Variants in DCHS1 observed in about 807,000 individuals in gnomAD.
The protein encoded by DCHS1 is protocadherin-16.
Under a neutral mutation model 213.9 loss-of-function variants are expected in DCHS1, and 78 were observed. The observed-to-expected ratio is 0.36, with a 90% CI of 0.30 to 0.44. DCHS1 has a LOEUF of 0.44. DCHS1 is among the 20% of genes least tolerant of loss of function. The pLI, the probability that DCHS1 is intolerant of heterozygous loss-of-function variation, is 1.00. For synonymous variants in DCHS1, 1,828 were observed against 1,873.7 expected (o/e 0.98, Z 0.63); for missense variants, 3,946 against 4,395.9 (o/e 0.90, Z 2.89).
chr11:6,640,254 C>T lies in DCHS1; in HGVS notation c.1360G>A (p.Ala454Thr), dbSNP rs1399025768. ...ACGTGCAGCACAAAGGCAGCCTCAGCCCGCAGTGGAGGTGAGCCTGAGTCT... is the reference window on the plus strand; with the variant it reads ...ACGTGCAGCACAAAGGCAGCCTCAGTCCGCAGTGGAGGTGAGCCTGAGTCT... ...ATDSGSPPLR[A>T]EAAFVLHVTD... is the part of the protein sequence containing the mutation. The change falls in exon 2 of 21, where the codon GCT becomes ACT. Residue 454 changes from alanine (A) to threonine (T), a missense_variant. This residue lies in a region of DCHS1 where 3,384 missense variants were observed against 3,780.1 expected (regional missense o/e 0.90). Transcript: ENST00000299441. This position sits in a 1 kb window ranked among gnomAD's most constrained non-coding sequence, Gnocchi z 6.5. 1 of 1,610,810 alleles carries T rather than the reference C, an allele frequency of 6.2e-7. No homozygotes were observed. Among genetic ancestry groups the T allele is most frequent in the Admixed American group, 1.7e-5 (1 of 59,492 alleles).
intron 2 of DCHS1, among the ~76,000 whole-genome samples, chr11:6,637,717 C>T (rs1224872876): frequency 6.6e-6 from 1 of 151,960 alleles, no homozygotes; most frequent in Non-Finnish European, 1.5e-5. Context: ...ACTCATACTG[C>T]CTATCTGTAC....
chr11:6,626,316 C>G lies in DCHS1; in HGVS notation c.6429G>C (p.Val2143=). 1 of 1,613,576 alleles carries G rather than the reference C, an allele frequency of 6.2e-7. No homozygotes were observed. Among genetic ancestry groups the G allele is most frequent in the Non-Finnish European group, 8.5e-7 (1 of 1,179,726 alleles). The change falls in exon 16 of 21, where the codon GTG becomes GTC. Residue 2143 remains valine (V), a synonymous_variant. Coordinates refer to ENST00000299441, the MANE Select transcript of DCHS1 (RefSeq NM_003737.4). This position sits in a 1 kb window ranked among gnomAD's most constrained non-coding sequence, Gnocchi z 5.2. ...AGGCTCCTCCACTCTCTGCCTGCAGCACCAGTCGCAGCCGTGGACTCACCT... is the reference window on the plus strand; with the variant it reads ...AGGCTCCTCCACTCTCTGCCTGCAGGACCAGTCGCAGCCGTGGACTCACCT... The part of the protein sequence containing the change: ...DFEVSPRLRL[V]LQAESGGAFA...
At chr11:6,653,961 A>G (rs1856280987) in intron 1 of DCHS1, among the ~76,000 whole-genome samples, 2 of 152,090 alleles carry the variant, frequency 1.3e-5, no homozygotes, top group Admixed American at 1.3e-4. Flanking sequence ...TTAAAGGTGG[A>G]ATAGTTCTAC....
rs1855957616 is a variant in DCHS1, at chr11:6,634,256, G to A, written c.1848C>T (p.Ser616=). 3 of 1,613,216 alleles carry A rather than the reference G, an allele frequency of 1.9e-6. No homozygotes were observed. The highest frequency in any genetic ancestry group is 2.7e-5 in the African/African-American group (2 of 74,942). The change falls in exon 3 of 21, where the codon TCC becomes TCT. Residue 616 remains serine (S), a synonymous_variant. Coordinates refer to ENST00000299441, the MANE Select transcript of DCHS1 (RefSeq NM_003737.4). ...DSGPFGLLSY[S]LGAGLGSSGS... ...CGGAGGACCCAAGTCCAGCACCCAA[G>A]GAATAGGAGAGGAGGCCAAATGGGC...
chr11:6,649,442 G>C (rs890212771), intron 1 of DCHS1, among the ~76,000 whole-genome samples: 3 of 151,826 alleles, frequency 2.0e-5, no homozygotes. Flanking sequence ...GTGAGCATGG[G>C]GGCAGGTGGT....
intron 6 of DCHS1, 72 bp from the exon 7 acceptor site, chr11:6,631,881 C>T: frequency 6.8e-7 from 1 of 1,466,490 alleles, no homozygotes; most frequent in East Asian, 2.4e-5. Flanking sequence ...ACCTAAGAAG[C>T]TGGTGTTTGG....
rs778237141 is a variant in DCHS1, at chr11:6,623,194, G to A, written c.8482C>T (p.Arg2828Cys). Residue 2828 changes from arginine to cysteine, a missense_variant, in exon 21 of 21, where the codon CGT (arginine) becomes TGT (cysteine). Physicochemically the swap from Arg to Cys is radical, Grantham distance 180 (BLOSUM62 -3). This residue lies in a region of DCHS1 where 3,384 missense variants were observed against 3,780.1 expected (regional missense o/e 0.90). Transcript: ENST00000299441. ...FHFQVPEGAR[R>C]GHSLGHVQAT... ...TGCACGTGACCCAAGCTGTGGCCAC[G>A]CCGGGCACCTTCGGGCACTTGGAAG... is the stretch of plus-strand genomic sequence containing the variant. The A allele has an allele frequency of 1.6e-5, 26 of 1,604,780 alleles. No individual in the cohort carries two copies. Among genetic ancestry groups the A allele is most frequent in the Non-Finnish European group, 2.0e-5 (24 of 1,175,762 alleles).
In DCHS1 at chr11:6,629,660, C is replaced by T; in HGVS notation, c.5035+12G>A. The T allele has an allele frequency of 6.2e-7, 1 of 1,612,968 alleles. No homozygotes were observed. The highest frequency in any genetic ancestry group is 1.3e-5 in the African/African-American group (1 of 75,050). On this transcript the variant is annotated intron_variant, in intron 11 of 20. Transcript: ENST00000299441. ...GTCCATCCCACTCATAATTCACCCC[C>T]CCAGGTCTTACCCACGTCGGGGTCG...
At position 6,633,174 on chromosome 11, in the gene DCHS1, TAGG is replaced by T. The variant is rs562780863; in HGVS notation, c.2456-121_2456-119del. The stretch of plus-strand genomic sequence containing the variant: ...CCCACACCCATGCCTTTCAAAATAT[TAGG>T]AGGAGGGGCAGGGGTTGGCAAAGAA... On this transcript the variant is annotated intron_variant, in intron 5 of 20. Coordinates refer to ENST00000299441, the MANE Select transcript of DCHS1 (RefSeq NM_003737.4). The T allele has an allele frequency of 1.1e-4, 139 of 1,294,108 alleles. 1 individual carries two copies. In the East Asian group the frequency reaches 2.5e-3, roughly 23 times the overall value. 80.2% of individuals were successfully genotyped at this position (1,294,108 alleles called of 1,614,324 possible).
rs150469323 is a variant in DCHS1 at position 6,622,985 on chromosome 11, C to T, written c.8691G>A (p.Glu2897=). 3.2e-6 allele frequency: 5 copies of T among 1,571,590 alleles called. No homozygotes were observed. In the African/African-American group the frequency reaches 6.8e-5, roughly 21 times the overall value. The change falls in exon 21 of 21, where the codon GAG becomes GAA. Residue 2897 remains glutamate, a synonymous_variant. Transcript: ENST00000299441. This position sits in a 1 kb window ranked among gnomAD's most constrained non-coding sequence, Gnocchi z 5.4. The stretch of plus-strand genomic sequence containing the variant: ...CCCGTGCTATCACCTCCAGCCTCAG[C>T]TCCCGTGGTGCTTCCCGCCGGGTCC... ...GGRTRREAPR[E]LRLEVIARGP...
intron 20 of DCHS1, 71 bp from the exon 21 acceptor site, chr11:6,624,461 A>T: frequency 6.9e-7 from 1 of 1,449,882 alleles, no homozygotes; most frequent in Middle Eastern, 1.8e-4. Flanking sequence ...GTGACCCTTC[A>T]GGATCTAGGA....
At chr11:6,639,101 C>G (rs1271534361) in intron 2 of DCHS1, among the ~76,000 whole-genome samples, 2 of 125,782 alleles carry the variant, frequency 1.6e-5, no homozygotes, top group Non-Finnish European at 3.6e-5. Context: ...CAGAGCGAGA[C>G]TCCGCCTCAA....
chr11:6,625,955 T>G lies in DCHS1; in HGVS notation c.6696A>C (p.Thr2232=). 1 of 1,613,604 alleles carries G rather than the reference T, an allele frequency of 6.2e-7. No homozygotes were observed. ...CCCAGATCTCACGGTCCAGGATGGC[T>G]GTGGTAGTGATAGTGCCTGTGGTTG... is the stretch of plus-strand genomic sequence containing the variant. The part of the protein sequence containing the change: ...VDPTTGTITT[T]AILDREIWAE... The change falls in exon 17 of 21, where the codon ACA becomes ACC. Residue 2232 remains threonine, a synonymous_variant. Transcript: ENST00000299441. This position sits in a 1 kb window ranked among gnomAD's most constrained non-coding sequence, Gnocchi z 5.3.
chr11:6,646,180 G>A (rs962080465), intron 1 of DCHS1, among the ~76,000 whole-genome samples: 4 of 151,558 alleles, frequency 2.6e-5, no homozygotes, highest in South Asian at 2.1e-4. Flanking sequence ...CCAGTGTCAC[G>A]TATGCACAGA....
chr11:6,622,942 G>T lies in DCHS1; in HGVS notation c.8734C>A (p.Arg2912=), dbSNP rs1490443005. The T allele has an allele frequency of 6.3e-7, 1 of 1,584,924 alleles. No homozygotes were observed. Among genetic ancestry groups the T allele is most frequent in the Non-Finnish European group, 8.6e-7 (1 of 1,165,946 alleles). The part of the protein sequence containing the change: ...VIARGPLPGS[R]SATVPVTVDI... ...ACGGTCACAGGCACTGTGGCACTCC[G>T]GGAACCAGGCAGAGGCCCCCGTGCT... Residue 2912 remains arginine (R), a synonymous_variant, in exon 21 of 21, where the codon CGG becomes AGG. Transcript: ENST00000299441. This position sits in a 1 kb window ranked among gnomAD's most constrained non-coding sequence, Gnocchi z 5.4.
chr11:6,625,566 C>G lies in DCHS1; in HGVS notation c.6862+31G>C. 6.2e-7 allele frequency: 1 copy of G among 1,613,380 alleles called. No individual in the cohort carries two copies. The highest frequency in any genetic ancestry group is 2.2e-5 in the East Asian group (1 of 44,884). Reference sequence around the variant, plus strand: ...GTGGAGAAAAATGTCTCTCTGCCACCCTTTATGCCACCCACTTTACCCAGC... The same window carrying G: ...GTGGAGAAAAATGTCTCTCTGCCACGCTTTATGCCACCCACTTTACCCAGC... On this transcript the variant is annotated intron_variant, in intron 18 of 20. Coordinates refer to ENST00000299441, the MANE Select transcript of DCHS1 (RefSeq NM_003737.4). The surrounding 1 kb of genome is among the most constrained non-coding windows in gnomAD (Gnocchi z 5.3).
At position 6,630,441 on chromosome 11, in the gene DCHS1, G is replaced by A. The variant is rs945534452; in HGVS notation, c.4353C>T (p.Pro1451=). ...LALALPENPE[P]GAALYTFRAS... ...CGCGGAAAGTGTACAGCGCTGCGCCGGGCTCCGGGTTCTCTGGCAGCGCCA... is the reference window on the plus strand; with the variant it reads ...CGCGGAAAGTGTACAGCGCTGCGCCAGGCTCCGGGTTCTCTGGCAGCGCCA... The change falls in exon 10 of 21, where the codon CCC becomes CCT. Residue 1451 remains proline (P), a synonymous_variant. Transcript: ENST00000299441. The A allele has an allele frequency of 8.6e-6, 13 of 1,506,404 alleles. No homozygotes were observed. The African/African-American group carries it at 1.3e-4, about 15-fold the overall frequency. 93.3% of individuals were successfully genotyped at this position (1,506,404 alleles called of 1,614,324 possible). A position where few individuals can be genotyped will look rare whatever the true frequency, so the allele number is the denominator to read the frequency against.
In DCHS1 at chr11:6,626,769, A is replaced by C; in HGVS notation, c.6250+20T>G. ...GCCCATTTGGGAGTCTGAATCTGGA[A>C]GAAATGGCTGGGGACCCACCTGGGG... On this transcript the variant is annotated intron_variant, in intron 14 of 20. Transcript: ENST00000299441. This position sits in a 1 kb window ranked among gnomAD's most constrained non-coding sequence, Gnocchi z 5.2. 1.2e-6 allele frequency: 2 copies of C among 1,609,460 alleles called. No individual in the cohort carries two copies. Among genetic ancestry groups the C allele is most frequent in the Non-Finnish European group, 1.7e-6 (2 of 1,177,706 alleles).
chr11:6,626,344 A>C lies in DCHS1; in HGVS notation c.6401T>G (p.Phe2134Cys). ...CAGTCGCAGCCGTGGACTCACCTCGAAGTCTAGCCCCTCTGCTGAGCGAAC... is the reference window on the plus strand; with the variant it reads ...CAGTCGCAGCCGTGGACTCACCTCGCAGTCTAGCCCCTCTGCTGAGCGAAC... The part of the protein sequence containing the change: ...ITVRSAEGLD[F>C]EVSPRLRLVL... Residue 2134 changes from phenylalanine (F) to cysteine (C), a missense_variant, in exon 16 of 21, where the codon TTC becomes TGC. Phe to Cys is a radical substitution (Grantham distance 205, BLOSUM62 -2). Transcript: ENST00000299441. The surrounding 1 kb of genome is among the most constrained non-coding windows in gnomAD (Gnocchi z 5.2). 1 of 1,613,628 alleles carries C rather than the reference A, an allele frequency of 6.2e-7. No homozygotes were observed. The highest frequency in any genetic ancestry group is 8.5e-7 in the Non-Finnish European group (1 of 1,179,750).
Sources: gnomAD v4.1 joint callset for allele counts (sites outside exome capture counted in the v4.1 genomes callset) on GRCh38, gnomAD v4.1.1 for gene constraint, gnomAD v4.1.1 regional missense constraint, Gnocchi (gnomAD v3.1) non-coding constraint, MANE v1.5 for transcripts, NCBI Gene and HGNC (gene_info 2026-07-23, HGNC 2026-07-21) for gene names.